The following CHAT variants were observed in gnomAD, a reference collection of about 807,000 sequenced individuals.
CHAT encodes acetyl CoA:choline O-acetyltransferase.
CHAT carries 61 observed loss-of-function variants against 76.9 expected under a neutral mutation model. The ratio of observed to expected loss-of-function variants is 0.79; its 90% CI spans 0.65 to 0.98. CHAT has a LOEUF of 0.98. Ranked by LOEUF, CHAT falls within the 50% of genes least tolerant of loss-of-function variation. CHAT has a pLI of 0.00. For missense variants in CHAT, 946 were observed against 986.9 expected, an observed-to-expected ratio of 0.96 and a Z score of 0.56; for synonymous variants, 407 against 397.4, an observed-to-expected ratio of 1.02 and a Z score of -0.29.
At chr10:49,620,422 C>T (rs956109341) in intron 3 of CHAT, 73 bp from the exon 4 acceptor site, 26 of 1,016,142 alleles carry the variant, frequency 2.6e-5, no homozygotes, top group Admixed American at 8.5e-5. Context: ...TGAAGTGTCC[C>T]GATTTTCTCT....
intron 7 of CHAT, among the ~76,000 whole-genome samples, chr10:49,645,480 T>G (rs1917814): frequency 1.3e-5 from 2 of 152,110 alleles, no homozygotes; most frequent in African/African-American, 4.8e-5. Context: ...CACCCAGTAC[T>G]GAGCAGTGGA....
chr10:49,609,302 C>A (rs565239242), upstream of CHAT: 3 of 152,366 alleles, frequency 2.0e-5, no homozygotes, highest in South Asian at 6.2e-4. Context: ...AAGAGAGGAC[C>A]CCAGCCACAG....
chr10:49,648,378 G>C (rs1839749497), intron 8 of CHAT, 129 bp from the exon 9 acceptor site: 1 of 716,460 alleles, frequency 1.4e-6, no homozygotes, highest in African/African-American at 1.7e-5. Flanking sequence ...GTTCTCTTCA[G>C]GAAATAATGT....
upstream of CHAT, chr10:49,612,496 C>T: frequency 1.4e-6 from 1 of 701,668 alleles, no homozygotes; most frequent in Non-Finnish European, 2.4e-6. Flanking sequence ...CCCTGTGACC[C>T]GTTCCATATC....
intron 13 of CHAT, among the ~76,000 whole-genome samples, chr10:49,658,987 C>T (rs1840113049): frequency 6.6e-6 from 1 of 151,874 alleles, no homozygotes; most frequent in African/African-American, 2.4e-5. Flanking sequence ...GAGGCTTAGT[C>T]CAGGAGAATA....
intron 7 of CHAT, among the ~76,000 whole-genome samples, chr10:49,628,491 A>T (rs570298655): frequency 1.6e-4 from 24 of 152,252 alleles, no homozygotes; most frequent in Non-Finnish European, 2.6e-4. Context: ...GACTCTCCAC[A>T]TCTGTTACTG....
intron 7 of CHAT, chr10:49,637,753 A>G (rs1372853686): frequency 6.6e-6 from 1 of 152,158 alleles, no homozygotes; most frequent in African/African-American, 2.4e-5. Flanking sequence ...TCTTTGACCC[A>G]TTCATTGTTT....
At chr10:49,620,934 G>A (rs948477808) in intron 4 of CHAT, among the ~76,000 whole-genome samples, 2 of 152,218 alleles carry the variant, frequency 1.3e-5, no homozygotes, top group Non-Finnish European at 2.9e-5. Flanking sequence ...CCTGGACCAC[G>A]CCAGTACTTG....
chr10:49,617,945 C>T (rs1002836849), intron 2 of CHAT, among the ~76,000 whole-genome samples: 2 of 152,154 alleles, frequency 1.3e-5, no homozygotes, highest in African/African-American at 4.8e-5. Context: ...AGGCAGAGGG[C>T]CGTCATTCAT....
chr10:49,614,012 G>C (rs1418173160), upstream of CHAT: 2 of 1,163,722 alleles, frequency 1.7e-6, no homozygotes, highest in Non-Finnish European at 2.4e-6. Flanking sequence ...TGGAATAATG[G>C]GGTTGGGGAA....
chr10:49,666,953 T>C lies in CHAT; in HGVS notation c.*1907T>C, dbSNP rs980765144. Among the ~76,000 whole-genome samples, 1 of 152,130 alleles carries C rather than the reference T, an allele frequency of 6.6e-6. No homozygotes were observed. Among genetic ancestry groups the C allele is most frequent in the Non-Finnish European group, 1.5e-5 (1 of 68,026 alleles). ...TTCTCCTCCGGTTCCTTTCCCTCCA[T>C]GGATTTCTGCGCAGACATAGAGCTC... is the stretch of plus-strand genomic sequence containing the variant. On this transcript the variant is annotated 3_prime_UTR_variant, in exon 15 of 15. Transcript: ENST00000337653.
intron 7 of CHAT, 39 bp downstream of exon 7, chr10:49,627,824 A>G (rs758552436): frequency 3.4e-5 from 54 of 1,601,084 alleles, no homozygotes; most frequent in Non-Finnish European, 4.3e-5. Flanking sequence ...TGCCCATCTC[A>G]TGCTCGTGCC....
intron 7 of CHAT, among the ~76,000 whole-genome samples, chr10:49,641,502 C>A (rs1409458829): frequency 6.6e-6 from 1 of 152,172 alleles, no homozygotes; most frequent in Non-Finnish European, 1.5e-5. Context: ...CAAAGCAGTT[C>A]TGTTTTGCAA....
upstream of CHAT, chr10:49,610,898 T>A: frequency 6.2e-7 from 1 of 1,613,014 alleles, no homozygotes; most frequent in Non-Finnish European, 8.5e-7. Context: ...TACATGGTCA[T>A]CGTGCCCATA....
At chr10:49,613,355 G>T (rs1838352985), upstream of CHAT, among the ~76,000 whole-genome samples, 1 of 152,170 alleles carries the variant, frequency 6.6e-6, no homozygotes, top group South Asian at 2.1e-4. Context: ...AACCCCCACT[G>T]CCACCCTGTC....
intron 7 of CHAT, among the ~76,000 whole-genome samples, chr10:49,628,791 G>C (rs931994747): frequency 6.6e-6 from 1 of 152,258 alleles, no homozygotes; most frequent in Non-Finnish European, 1.5e-5. Context: ...TGGTACCCAG[G>C]CAGGCAGACC....
chr10:49,640,709 G>T (rs575366966), intron 7 of CHAT, among the ~76,000 whole-genome samples: 62 of 152,144 alleles, frequency 4.1e-4, no homozygotes, highest in African/African-American at 1.5e-3. Context: ...GCTGGCAAGG[G>T]TGCTGGGGGA....
intron 11 of CHAT, among the ~76,000 whole-genome samples, chr10:49,652,874 C>T (rs532325260): frequency 1.3e-4 from 20 of 152,168 alleles, no homozygotes; most frequent in Admixed American, 4.6e-4. Flanking sequence ...ACCCTCCACA[C>T]GCACCAGCCC....
chr10:49,627,162 TG>T (rs1838950740), intron 6 of CHAT, among the ~76,000 whole-genome samples: 1 of 152,232 alleles, frequency 6.6e-6, no homozygotes, highest in African/African-American at 2.4e-5. Flanking sequence ...ACCATTTTGC[TG>T]TTGCAAACAA....
Sources: allele counts gnomAD v4.1 joint callset (sites outside exome capture counted in the v4.1 genomes callset), GRCh38; gene constraint gnomAD v4.1.1; transcripts MANE v1.5; gene names NCBI Gene and HGNC (gene_info 2026-07-23, HGNC 2026-07-21).